Variants in PCLO observed in about 807,000 individuals in gnomAD.
The protein encoded by PCLO is protein piccolo.
PCLO carries 82 observed loss-of-function variants against 427.5 expected under a neutral mutation model. That is an observed-to-expected ratio of 0.19 (90% CI 0.16 to 0.23). PCLO has a LOEUF of 0.23. Ranked by LOEUF, PCLO falls within the 10% of genes least tolerant of loss-of-function variation. The pLI is 1.00. For missense variants in PCLO, 6,239 were observed against 6,115.9 expected (o/e 1.02, Z -0.67); for synonymous variants, 2,357 against 2,155.4 (o/e 1.09, Z -2.59).
At chr7:82,767,475 A>T (rs1349679366) in intron 22 of PCLO, among the ~76,000 whole-genome samples, 1 of 152,110 alleles carries the variant, frequency 6.6e-6, no homozygotes, top group Non-Finnish European at 1.5e-5. Flanking sequence ...ACTAATAATC[A>T]CATTTTAAAA....
chr7:82,914,952 C>G lies in PCLO; in HGVS notation c.13034G>C (p.Ser4345Thr). ...ARTKPTSLPISQSRGRIPIVA... is the reference protein window; with the variant it reads ...ARTKPTSLPITQSRGRIPIVA... ...AATTGGTATTCTTCCTCTACTTTGA[C>G]TAATTGGCAAACTGGTCGGCTTAGT... is the stretch of plus-strand genomic sequence containing the variant. The change falls in exon 7 of 25, where the codon AGT becomes ACT. Residue 4345 changes from serine to threonine, a missense_variant. Ser to Thr is a moderately conservative substitution (Grantham distance 58). Transcript: ENST00000333891. The G allele has an allele frequency of 1.2e-6, 2 of 1,613,706 alleles. No homozygotes were observed. Among genetic ancestry groups the G allele is most frequent in the South Asian group, 1.1e-5 (1 of 91,082 alleles).
chr7:82,828,694 C>T (rs1324357726), intron 16 of PCLO, among the ~76,000 whole-genome samples: 3 of 152,050 alleles, frequency 2.0e-5, no homozygotes, highest in African/African-American at 7.2e-5. Flanking sequence ...AAAGCCTATC[C>T]TAATGAAGTC....
At position 82,950,385 on chromosome 7, in the gene PCLO, A is replaced by G; in HGVS notation, c.10203T>C (p.Asp3401=). The change falls in exon 6 of 25, where the codon GAT becomes GAC. Residue 3401 remains aspartate (D), a synonymous_variant. Coordinates refer to ENST00000333891, the MANE Select transcript of PCLO (RefSeq NM_033026.6). The part of the protein sequence containing the change: ...LSTVSEIPLT[D]VVVKEEKQPK... ...GTTGTTTTTCCTCTTTCACAACAAC[A>G]TCTGTTAGAGGTATTTCTGAAACAG... The G allele has an allele frequency of 6.2e-7, 1 of 1,613,760 alleles. No homozygotes were observed. Among genetic ancestry groups the G allele is most frequent in the Non-Finnish European group, 8.5e-7 (1 of 1,179,856 alleles).
chr7:82,776,336 T>G (rs1158346482), intron 22 of PCLO, among the ~76,000 whole-genome samples: 1 of 152,192 alleles, frequency 6.6e-6, no homozygotes, highest in Non-Finnish European at 1.5e-5. Flanking sequence ...CTCATGCTTG[T>G]AATCCCAGCA....
At chr7:82,829,399 G>T (rs1248118835) in intron 16 of PCLO, among the ~76,000 whole-genome samples, 2 of 152,072 alleles carry the variant, frequency 1.3e-5, no homozygotes, top group Non-Finnish European at 2.9e-5. Flanking sequence ...AGGCTCGCAG[G>T]TGAATCTAAT....
chr7:82,895,273 C>A (rs1793874055), intron 9 of PCLO, among the ~76,000 whole-genome samples: 1 of 151,248 alleles, frequency 6.6e-6, no homozygotes, highest in African/African-American at 2.4e-5. Flanking sequence ...ATTAAGAAAT[C>A]TTTTGAAGTG....
At chr7:83,082,679 T>C (rs10260119) in intron 3 of PCLO, among the ~76,000 whole-genome samples, 42,465 of 151,282 alleles carry the variant, frequency 0.28, 6,976 homozygotes, top group East Asian at 0.55. Flanking sequence ...GATTAAGCCT[T>C]GAAGTGATAG....
intron 3 of PCLO, among the ~76,000 whole-genome samples, chr7:82,982,568 C>A (rs1253608661): frequency 1.3e-5 from 2 of 151,388 alleles, no homozygotes; most frequent in Non-Finnish European, 2.9e-5. Context: ...AGATAAAAAA[C>A]AGACCTTTAG....
intron 6 of PCLO, among the ~76,000 whole-genome samples, chr7:82,937,435 T>A (rs2116365629): frequency 6.6e-6 from 1 of 151,642 alleles, no homozygotes; most frequent in African/African-American, 2.4e-5. Flanking sequence ...ATTATTTCAG[T>A]GGTAGAAAAT....
At chr7:82,763,347 GC>G (rs1465986308) in intron 22 of PCLO, among the ~76,000 whole-genome samples, 1 of 151,986 alleles carries the variant, frequency 6.6e-6, no homozygotes, top group East Asian at 1.9e-4. Context: ...AGTAATTTCA[GC>G]GTATTTTGAA....
intron 6 of PCLO, 137 bp downstream of exon 6, chr7:82,949,339 T>C: frequency 1.5e-6 from 1 of 680,380 alleles, no homozygotes; most frequent in Non-Finnish European, 2.5e-6. Flanking sequence ...ATAGTGTAAA[T>C]TTCTAAGGCA....
chr7:82,908,347 TTATG>T lies in PCLO; in HGVS notation c.13437+526_13437+529del, dbSNP rs142794128. On this transcript the variant is annotated intron_variant, in intron 8 of 24. Transcript: ENST00000333891. ...AATACACTGATTAGCAATATCTACT[TTATG>T]TGAGTTGTTCCACATATAAAATTCA... Among the ~76,000 whole-genome samples, 882 of 152,232 alleles carry T rather than the reference TTATG, an allele frequency of 5.8e-3. 11 individuals carry two copies. The highest frequency in any genetic ancestry group is 0.02 in the African/African-American group (833 of 41,564).
intron 3 of PCLO, among the ~76,000 whole-genome samples, chr7:83,112,052 GTTTT>G: frequency 6.6e-6 from 1 of 151,724 alleles, no homozygotes; most frequent in Admixed American, 6.6e-5. Flanking sequence ...GTTGTTTTTT[GTTTT>G]TTTGTTTGTT....
intron 3 of PCLO, among the ~76,000 whole-genome samples, chr7:83,050,207 T>A (rs1789200364): frequency 1.8e-3 from 2 of 1,122 alleles, no homozygotes; most frequent in Admixed American, 0.015. Flanking sequence ...TCTGAAAAAC[T>A]GAAAAAAAAA....
intron 20 of PCLO, among the ~76,000 whole-genome samples, chr7:82,818,990 G>T (rs988943219): frequency 1.3e-5 from 2 of 152,060 alleles, no homozygotes; most frequent in African/African-American, 4.8e-5. Context: ...GAACTTGCAG[G>T]TTCTTTTTAT....
At chr7:82,997,052 A>G (rs532474835) in intron 3 of PCLO, among the ~76,000 whole-genome samples, 5 of 152,100 alleles carry the variant, frequency 3.3e-5, no homozygotes, top group Admixed American at 1.3e-4. Context: ...GGATTTAAGC[A>G]GGAAATACTA....
chr7:83,154,588 T>TA lies in PCLO; in HGVS notation c.1893+159dup, dbSNP rs199877969. Among the ~76,000 whole-genome samples the TA allele has an allele frequency of 4.3e-3, 658 of 151,576 alleles. 4 individuals are homozygous for TA. Among genetic ancestry groups the TA allele is most frequent in the African/African-American group, 0.014 (590 of 41,342 alleles). On this transcript the variant is annotated intron_variant, in intron 2 of 24. Transcript: ENST00000333891. ...TTGAGGCTTCTAGTCAGAGAAATGT[T>TA]AAAAAAAAATTACAACTGGCAGAAA...
chr7:83,105,259 A>G (rs570123114), intron 3 of PCLO, among the ~76,000 whole-genome samples: 1 of 152,202 alleles, frequency 6.6e-6, no homozygotes, highest in Non-Finnish European at 1.5e-5. Context: ...ATCCTGACAG[A>G]TATCTCTGCA....
At chr7:83,089,213 T>C (rs1790317022) in intron 3 of PCLO, among the ~76,000 whole-genome samples, 1 of 152,182 alleles carries the variant, frequency 6.6e-6, no homozygotes, top group Non-Finnish European at 1.5e-5. Flanking sequence ...GTTAGTATTA[T>C]TTTTATTTTG....
Sources: allele counts gnomAD v4.1 joint callset (sites outside exome capture counted in the v4.1 genomes callset), GRCh38; gene constraint gnomAD v4.1.1; transcripts MANE v1.5; gene names NCBI Gene and HGNC (gene_info 2026-07-23, HGNC 2026-07-21).